SLC17A8: variants seen among roughly 807,000 people sequenced by gnomAD.
SLC17A8 encodes the protein solute carrier family 17 member 8, also known as vesicular glutamate transporter 3.
SLC17A8 carries 31 observed loss-of-function variants against 58.0 expected under a neutral mutation model. That is an observed-to-expected ratio of 0.53 (90% CI 0.40 to 0.72). SLC17A8 has a LOEUF of 0.72. Among genes scored for constraint, SLC17A8 ranks in the 30% least tolerant of loss-of-function variants. SLC17A8 has a pLI of 0.00. For missense variants in SLC17A8, 655 were observed against 727.8 expected (o/e 0.90, Z 1.15); for synonymous variants, 228 against 249.0 (o/e 0.92, Z 0.79).
At chr12:100,391,394 C>T (rs889227415) in intron 3 of SLC17A8, among the ~76,000 whole-genome samples, 2 of 139,972 alleles carry the variant, frequency 1.4e-5, no homozygotes, top group African/African-American at 2.6e-5. Flanking sequence ...CCCCACCCCA[C>T]TCGGCATTCA....
At chr12:100,395,139 T>C (rs1290791395) in intron 4 of SLC17A8, among the ~76,000 whole-genome samples, 1 of 151,930 alleles carries the variant, frequency 6.6e-6, no homozygotes, top group Non-Finnish European at 1.5e-5. Context: ...TGATAGTCTA[T>C]GATAATATGA....
chr12:100,373,577 C>CTTTT (rs11296057), intron 1 of SLC17A8, among the ~76,000 whole-genome samples: 2 of 87,630 alleles, frequency 2.3e-5, no homozygotes, highest in African/African-American at 4.3e-5. Flanking sequence ...AAATCAGTGA[C>CTTTT]TTTTTTTTTT....
At chr12:100,399,729 C>T (rs948513304) in intron 5 of SLC17A8, among the ~76,000 whole-genome samples, 2 of 152,186 alleles carry the variant, frequency 1.3e-5, no homozygotes, top group Non-Finnish European at 2.9e-5. Context: ...CTTCCCTCAA[C>T]ACATGGGGAT....
intron 1 of SLC17A8, among the ~76,000 whole-genome samples, chr12:100,375,596 C>A (rs1419729413): frequency 6.6e-6 from 1 of 152,184 alleles, no homozygotes; most frequent in African/African-American, 2.4e-5. Flanking sequence ...CAGAGCACAG[C>A]AGCTGGGGCT....
chr12:100,417,470 CCAAAT>C (rs1166112595), intron 10 of SLC17A8, among the ~76,000 whole-genome samples: 2 of 152,182 alleles, frequency 1.3e-5, no homozygotes, highest in Admixed American at 6.5e-5. Flanking sequence ...TTTACAGACT[CCAAAT>C]CAAGTAGGTG....
At chr12:100,398,943 T>C (rs1593001696) in intron 5 of SLC17A8, among the ~76,000 whole-genome samples, 1 of 152,324 alleles carries the variant, frequency 6.6e-6, no homozygotes, top group East Asian at 1.9e-4. Context: ...TGCTCTTCTA[T>C]GCCTTCTGCC....
rs144148438 is a variant in SLC17A8 at position 100,384,391 on chromosome 12, G to A, written c.354+3438G>A. ...AAGGTGGGTGGATCACCTGAGGTCA[G>A]GAGTTCTAGACTAGCCTGGCCAACA... On this transcript the variant is annotated intron_variant, in intron 2 of 11. Transcript: ENST00000323346. Among the ~76,000 whole-genome samples, 1,258 of 152,254 alleles carry A rather than the reference G, an allele frequency of 8.3e-3. 24 individuals carry two copies. The highest frequency in any genetic ancestry group is 0.029 in the African/African-American group (1,215 of 41,538).
intron 4 of SLC17A8, among the ~76,000 whole-genome samples, chr12:100,394,137 A>G (rs541651617): frequency 6.6e-6 from 1 of 152,220 alleles, no homozygotes; most frequent in Admixed American, 6.5e-5. Flanking sequence ...AAACATTCTT[A>G]GCTTGTGGGC....
At chr12:100,399,335 A>G (rs1952774548) in intron 5 of SLC17A8, among the ~76,000 whole-genome samples, 1 of 152,158 alleles carries the variant, frequency 6.6e-6, no homozygotes, top group Non-Finnish European at 1.5e-5. Flanking sequence ...GCTGTGTCTA[A>G]TAGGAACTGA....
intron 9 of SLC17A8, among the ~76,000 whole-genome samples, 174 bp from the exon 10 acceptor site, chr12:100,412,596 A>T (rs1460422138): frequency 6.6e-6 from 1 of 151,600 alleles, no homozygotes; most frequent in Non-Finnish European, 1.5e-5. Context: ...TAAAGTTAAA[A>T]AAAAAAAAAA....
chr12:100,411,364 C>T (rs1250113613), intron 9 of SLC17A8, among the ~76,000 whole-genome samples: 1 of 152,192 alleles, frequency 6.6e-6, no homozygotes, highest in Non-Finnish European at 1.5e-5. Context: ...CCCATAATCC[C>T]AGCTACTTGG....
In SLC17A8 at chr12:100,396,497, C is replaced by A; in HGVS notation, c.676+80C>A. The A allele has an allele frequency of 5.2e-6, 6 of 1,163,438 alleles. No homozygotes were observed. The South Asian group carries it at 6.4e-5, about 12-fold the overall frequency. The allele number at this position is 1,163,438 out of a possible 1,614,324, so 72.1% of individuals were successfully genotyped here. A position where few individuals can be genotyped will look rare whatever the true frequency, so the allele number is the denominator to read the frequency against. ...ATGCAGTGGCTCACGCCTGTAATCT[C>A]AGCACTTTAGGGAGGCCGAGGCAGG... is the stretch of plus-strand genomic sequence containing the variant. On this transcript the variant is annotated intron_variant, in intron 5 of 11. Transcript: ENST00000323346.
chr12:100,373,387 A>G (rs1952571940), intron 1 of SLC17A8, among the ~76,000 whole-genome samples: 1 of 152,100 alleles, frequency 6.6e-6, no homozygotes, highest in Admixed American at 6.5e-5. Context: ...GGCAGGATGA[A>G]TAGATCCTTA....
intron 1 of SLC17A8, among the ~76,000 whole-genome samples, chr12:100,372,771 C>T (rs184752651): frequency 6.6e-6 from 1 of 152,040 alleles, no homozygotes; most frequent in East Asian, 1.9e-4. Context: ...CTCTATATTG[C>T]CCATGCTGGT....
chr12:100,381,014 C>T, intron 2 of SLC17A8, 61 bp downstream of exon 2: 1 of 1,596,440 alleles, frequency 6.3e-7, no homozygotes, highest in South Asian at 1.1e-5. Context: ...CTCGGTCTCC[C>T]AGGCTAGAGT....
At chr12:100,418,555 G>T (rs1221721300) in intron 11 of SLC17A8, among the ~76,000 whole-genome samples, 2 of 152,294 alleles carry the variant, frequency 1.3e-5, no homozygotes, top group Middle Eastern at 3.4e-3. Flanking sequence ...AGCATAAAAA[G>T]ATGAGTGCTA....
Position 100,396,248 on chromosome 12 carries a change from T to A in SLC17A8, c.589-82T>A. The A allele has an allele frequency of 5.5e-6, 6 of 1,089,202 alleles. No homozygotes were observed. The Admixed American group carries it at 7.0e-5, about 13-fold the overall frequency. The allele number at this position is 1,089,202 out of a possible 1,614,324, so 67.5% of individuals were successfully genotyped here. On this transcript the variant is annotated intron_variant, in intron 4 of 11. Coordinates refer to ENST00000323346, the MANE Select transcript of SLC17A8 (RefSeq NM_139319.3). ...AATTGGGCTTTTATATTGTAGCCTGTGTGAAGAAGCAGCATCCATATTTTA... is the reference window on the plus strand; with the variant it reads ...AATTGGGCTTTTATATTGTAGCCTGAGTGAAGAAGCAGCATCCATATTTTA...
chr12:100,419,884 G>A lies in SLC17A8; in HGVS notation c.1495G>A (p.Gly499Arg). The A allele has an allele frequency of 3.1e-6, 5 of 1,614,030 alleles. No homozygotes were observed. Among genetic ancestry groups the A allele is most frequent in the Non-Finnish European group, 4.2e-6 (5 of 1,180,038 alleles). The change falls in exon 12 of 12, where the codon GGG becomes AGG. Residue 499 changes from glycine to arginine, a missense_variant. Gly to Arg is a moderately radical substitution (Grantham distance 125). Transcript: ENST00000323346. ...GCATTACAGTGGTGTGATCTTCTAT[G>A]GGGTCTTTGCTTCTGGGGAGAAACA... ...LVHYSGVIFY[G>R]VFASGEKQEW...
intron 5 of SLC17A8, among the ~76,000 whole-genome samples, chr12:100,397,801 G>A (rs889664084): frequency 1.3e-5 from 2 of 152,016 alleles, no homozygotes; most frequent in East Asian, 1.9e-4. Context: ...AAATTAGCTG[G>A]GTGCGGTGGC....
Sources: allele counts gnomAD v4.1 joint callset (sites outside exome capture counted in the v4.1 genomes callset), GRCh38; gene constraint gnomAD v4.1.1; transcripts MANE v1.5; gene names NCBI Gene and HGNC (gene_info 2026-07-23, HGNC 2026-07-21).